SCAPER: variants seen among roughly 807,000 people sequenced by gnomAD.
The protein encoded by SCAPER is S-phase cyclin A associated protein in the ER, also known as S phase cyclin A-associated protein in the endoplasmic reticulum.
SCAPER carries 98 observed loss-of-function variants against 182.2 expected under a neutral mutation model. The ratio of observed to expected loss-of-function variants is 0.54; its 90% confidence interval spans 0.46 to 0.64. The LOEUF (loss-of-function observed/expected upper bound fraction) is 0.64, where lower values mean the gene tolerates loss of function less well. SCAPER is among the 30% of genes least tolerant of loss of function. SCAPER has a pLI of 0.00. For missense variants in SCAPER, 1,432 were observed against 1,690.0 expected (o/e 0.85, Z 2.68); for synonymous variants, 605 against 564.6 (o/e 1.07, Z -1.01).
At chr15:76,654,213 T>A (rs1343870340) in intron 21 of SCAPER, among the ~76,000 whole-genome samples, 1 of 152,052 alleles carries the variant, frequency 6.6e-6, no homozygotes, top group Admixed American at 6.6e-5. Flanking sequence ...CCATCCTGGC[T>A]AACACGGTAA....
intron 17 of SCAPER, among the ~76,000 whole-genome samples, chr15:76,715,438 C>T (rs758104856): frequency 6.6e-6 from 1 of 152,056 alleles, no homozygotes; most frequent in Non-Finnish European, 1.5e-5. Context: ...CACAGTGCCC[C>T]ATCTGCCTAG....
chr15:76,790,976 C>T (rs1166311833), intron 8 of SCAPER, among the ~76,000 whole-genome samples: 2 of 152,174 alleles, frequency 1.3e-5, no homozygotes, highest in African/African-American at 2.4e-5. Flanking sequence ...CTTAATCTCA[C>T]AAGTTGTTAA....
chr15:76,401,388 T>C (rs1402124905), intron 27 of SCAPER, among the ~76,000 whole-genome samples: 1 of 152,188 alleles, frequency 6.6e-6, no homozygotes, highest in African/African-American at 2.4e-5. Flanking sequence ...TATTTGCTCA[T>C]CTCTATTTTC....
intron 8 of SCAPER, among the ~76,000 whole-genome samples, chr15:76,781,104 T>C (rs955336792): frequency 6.6e-6 from 1 of 152,146 alleles, no homozygotes; most frequent in Non-Finnish European, 1.5e-5. Context: ...TAAAGGAGCA[T>C]GTTCTAACCC....
intron 23 of SCAPER, among the ~76,000 whole-genome samples, chr15:76,538,729 A>C (rs1198040159): frequency 2.6e-5 from 4 of 152,200 alleles, no homozygotes; most frequent in African/African-American, 9.6e-5. Context: ...TAATTAAAAA[A>C]AAAAGAAAAA....
At chr15:76,506,282 A>T (rs533711567) in intron 23 of SCAPER, among the ~76,000 whole-genome samples, 4 of 152,340 alleles carry the variant, frequency 2.6e-5, no homozygotes, top group South Asian at 4.1e-4. Context: ...TGTAACACAA[A>T]AAATGAATGC....
At position 76,597,294 on chromosome 15, in the gene SCAPER, C is replaced by T. The variant is rs2049585487; in HGVS notation, c.2712-23010G>A. On this transcript the variant is annotated intron_variant, in intron 22 of 31. Transcript: ENST00000563290. ...AGGAGAACTACAAACCACTACTCCA[C>T]AAAATAAAAGAGGACACAAACAAAT... Among the ~76,000 whole-genome samples the T allele has an allele frequency of 1.7e-5, 2 of 121,106 alleles. 1 individual carries two copies. The highest frequency in any genetic ancestry group is 4.0e-5 in the Non-Finnish European group (2 of 49,778). The allele number at this position is 121,106 out of a possible 152,430, so 79.5% of individuals were successfully genotyped here.
intron 1 of SCAPER, among the ~76,000 whole-genome samples, chr15:76,888,091 C>T (rs185298666): frequency 3.9e-4 from 59 of 152,330 alleles, no homozygotes; most frequent in African/African-American, 1.4e-3. Context: ...AGGGACCTGA[C>T]TGTTAGAAGG....
At chr15:76,641,676 C>T (rs1224147712) in intron 21 of SCAPER, among the ~76,000 whole-genome samples, 1 of 152,102 alleles carries the variant, frequency 6.6e-6, no homozygotes, top group Non-Finnish European at 1.5e-5. Flanking sequence ...TAATTGCTCA[C>T]CCAGCAGGAA....
At chr15:76,609,443 T>A (rs1037160804) in intron 22 of SCAPER, among the ~76,000 whole-genome samples, 4 of 152,048 alleles carry the variant, frequency 2.6e-5, no homozygotes, top group Non-Finnish European at 5.9e-5. Context: ...GCTATGATCA[T>A]GCCACTGCAC....
chr15:76,751,499 A>G (rs2062080012), intron 15 of SCAPER, among the ~76,000 whole-genome samples: 1 of 151,846 alleles, frequency 6.6e-6, no homozygotes, highest in Non-Finnish European at 1.5e-5. Flanking sequence ...TACAATCATG[A>G]AAACAGTATA....
intron 22 of SCAPER, among the ~76,000 whole-genome samples, chr15:76,608,747 C>G (rs2050700242): frequency 6.6e-6 from 1 of 152,208 alleles, no homozygotes; most frequent in African/African-American, 2.4e-5. Context: ...CCCAGCCTCA[C>G]TGCTGCCTTG....
chr15:76,750,153 GCTGGAACAGT>G (rs1458255291), intron 15 of SCAPER, among the ~76,000 whole-genome samples: 4 of 150,924 alleles, frequency 2.7e-5, no homozygotes, highest in Admixed American at 2.0e-4. Context: ...AACAACTGGT[GCTGGAACAGT>G]ACATATCCAT....
chr15:76,769,442 C>CAAAAAA (rs36078656), intron 10 of SCAPER, among the ~76,000 whole-genome samples: 2 of 69,954 alleles, frequency 2.9e-5, no homozygotes, highest in African/African-American at 5.3e-5. Context: ...GACTCTGTCT[C>CAAAAAA]AAAAAAAAAA....
At chr15:76,633,537 T>C (rs891269464) in intron 21 of SCAPER, among the ~76,000 whole-genome samples, 1 of 152,216 alleles carries the variant, frequency 6.6e-6, no homozygotes, top group African/African-American at 2.4e-5. Context: ...ACATTAAGAC[T>C]GCTGATCCAC....
intron 20 of SCAPER, among the ~76,000 whole-genome samples, chr15:76,688,156 C>T (rs1000015963): frequency 2.6e-5 from 4 of 152,138 alleles, no homozygotes; most frequent in African/African-American, 9.7e-5. Context: ...TGGGATCTCA[C>T]TGTGGTTTTG....
At chr15:76,860,321 T>C (rs991945460) in intron 3 of SCAPER, among the ~76,000 whole-genome samples, 1 of 152,176 alleles carries the variant, frequency 6.6e-6, no homozygotes, top group Non-Finnish European at 1.5e-5. Context: ...AATGAAGTAA[T>C]AGCTCCTTGT....
At position 76,673,069 on chromosome 15, in the gene SCAPER, T is replaced by C. The variant is rs117518911; in HGVS notation, c.2509-7280A>G. 9.7e-3 allele frequency among the ~76,000 whole-genome samples: 1,474 copies of C among 152,250 alleles called. 12 individuals carry two copies. Among genetic ancestry groups the C allele is most frequent in the Non-Finnish European group, 0.013 (893 of 67,988 alleles). On this transcript the variant is annotated intron_variant, in intron 20 of 31. Transcript: ENST00000563290. ...CCAAAAGAAAATAATGTATTTAGCATTTTCAAGAAAGAAATATAAGCTAAA... is the reference window on the plus strand; with the variant it reads ...CCAAAAGAAAATAATGTATTTAGCACTTTCAAGAAAGAAATATAAGCTAAA...
chr15:76,888,982 G>A (rs1206112923), intron 1 of SCAPER, among the ~76,000 whole-genome samples: 2 of 152,190 alleles, frequency 1.3e-5, no homozygotes, highest in African/African-American at 4.8e-5. Flanking sequence ...AGATCTCCTA[G>A]CAGTAACCCT....
Sources: gnomAD v4.1 joint callset for allele counts (sites outside exome capture counted in the v4.1 genomes callset) on GRCh38, gnomAD v4.1.1 for gene constraint, MANE v1.5 for transcripts, NCBI Gene and HGNC (gene_info 2026-07-23, HGNC 2026-07-21) for gene names.